Variants in SNX30 observed in about 807,000 individuals in gnomAD.
SNX30 encodes the protein sorting nexin-30.
A neutral mutation model predicts 46.4 loss-of-function variants in SNX30; 24 were observed. The observed-to-expected ratio is 0.52, with a 90% CI of 0.37 to 0.73. The LOEUF (loss-of-function observed/expected upper bound fraction) is 0.73, where lower values mean the gene tolerates loss of function less well. SNX30 is among the 30% of genes least tolerant of loss of function. The pLI is 0.00. For synonymous variants in SNX30, 189 were observed against 211.5 expected, an observed-to-expected ratio of 0.89 and a Z score of 0.92; for missense variants, 533 against 555.7, an observed-to-expected ratio of 0.96 and a Z score of 0.41.
At chr9:112,808,729 G>A (rs1840271223) in intron 2 of SNX30, among the ~76,000 whole-genome samples, 1 of 152,102 alleles carries the variant, frequency 6.6e-6, no homozygotes, top group Non-Finnish European at 1.5e-5. Flanking sequence ...ACAAAAACGA[G>A]TATTTTGTAT....
At chr9:112,835,056 T>G (rs1840731603) in intron 4 of SNX30, among the ~76,000 whole-genome samples, 2 of 152,202 alleles carry the variant, frequency 1.3e-5, no homozygotes, top group South Asian at 4.1e-4. Flanking sequence ...ACATTCCACA[T>G]TCTCTGCTCT....
intron 2 of SNX30, among the ~76,000 whole-genome samples, chr9:112,816,859 G>A (rs947128937): frequency 6.6e-6 from 1 of 152,168 alleles, no homozygotes; most frequent in South Asian, 2.1e-4. Flanking sequence ...GTGAGACACG[G>A]TGTAATTTGT....
At chr9:112,854,232 C>T (rs1220513293) in intron 7 of SNX30, among the ~76,000 whole-genome samples, 3 of 152,240 alleles carry the variant, frequency 2.0e-5, no homozygotes, top group African/African-American at 7.2e-5. Flanking sequence ...TTGGAGCAGT[C>T]TCGAGCAGAG....
At chr9:112,768,022 C>T (rs916354261) in intron 1 of SNX30, among the ~76,000 whole-genome samples, 1 of 152,206 alleles carries the variant, frequency 6.6e-6, no homozygotes, top group Non-Finnish European at 1.5e-5. Context: ...CCAGTCTGTT[C>T]TGAGTACTGT....
chr9:112,854,295 T>C (rs1841083924), intron 7 of SNX30, among the ~76,000 whole-genome samples: 1 of 152,256 alleles, frequency 6.6e-6, no homozygotes, highest in Non-Finnish European at 1.5e-5. Context: ...CCAGGGCTCC[T>C]GGCCTCACAT....
In SNX30 at chr9:112,804,946, C is replaced by T; in HGVS notation, c.327C>T (p.Ile109=). The T allele has an allele frequency of 6.2e-7, 1 of 1,609,744 alleles. No individual in the cohort carries two copies. The highest frequency in any genetic ancestry group is 8.5e-7 in the Non-Finnish European group (1 of 1,177,222). Residue 109 remains isoleucine (I), a synonymous_variant, in exon 2 of 9, where the codon ATC becomes ATT. Coordinates refer to ENST00000374232, the MANE Select transcript of SNX30 (RefSeq NM_001012994.2). ...KKHVCTMETY[I]TYRITTKSTR... ...ATGTGTGTACAATGGAGACTTACAT[C>T]ACCTATAGGATCACCACCAAAGTAG...
chr9:112,767,694 A>G (rs1839568733), intron 1 of SNX30, among the ~76,000 whole-genome samples: 1 of 151,996 alleles, frequency 6.6e-6, no homozygotes, highest in African/African-American at 2.4e-5. Context: ...GGCTCAAGTG[A>G]TCCTCCCATC....
chr9:112,771,168 C>T (rs538857303), intron 1 of SNX30, among the ~76,000 whole-genome samples: 3 of 152,304 alleles, frequency 2.0e-5, no homozygotes, highest in Admixed American at 6.5e-5. Context: ...AGGCAAGGGG[C>T]CTGATCTGGT....
chr9:112,863,866 G>A (rs1436565877), intron 7 of SNX30, among the ~76,000 whole-genome samples: 1 of 152,136 alleles, frequency 6.6e-6, no homozygotes, highest in East Asian at 1.9e-4. Context: ...GAATAGCAGG[G>A]CAATACAAAT....
chr9:112,807,575 C>T (rs578170393), intron 2 of SNX30, among the ~76,000 whole-genome samples: 22 of 152,162 alleles, frequency 1.4e-4, no homozygotes, highest in Admixed American at 3.9e-4. Flanking sequence ...TCTAGGGTGA[C>T]CTTATTTTTT....
intron 5 of SNX30, among the ~76,000 whole-genome samples, chr9:112,838,099 G>A (rs985565579): frequency 6.8e-6 from 1 of 147,218 alleles, no homozygotes; most frequent in Non-Finnish European, 1.5e-5. Flanking sequence ...CACTGTGTTA[G>A]CAGGATGGTC....
chr9:112,775,686 A>G (rs1268255244), intron 1 of SNX30, among the ~76,000 whole-genome samples: 1 of 151,538 alleles, frequency 6.6e-6, no homozygotes, highest in African/African-American at 2.4e-5. Flanking sequence ...CCCTGTCAGC[A>G]GGTTTCCCTC....
intron 1 of SNX30, among the ~76,000 whole-genome samples, chr9:112,764,589 C>G (rs113155830): frequency 2.0e-5 from 3 of 151,998 alleles, no homozygotes; most frequent in African/African-American, 7.2e-5. Flanking sequence ...GGAACAGGGC[C>G]GTGTTTGGGG....
intron 1 of SNX30, among the ~76,000 whole-genome samples, chr9:112,773,828 A>G (rs1427743457): frequency 6.6e-6 from 1 of 152,196 alleles, no homozygotes; most frequent in African/African-American, 2.4e-5. Flanking sequence ...AATATTCACA[A>G]TTATGTTATA....
chr9:112,752,149 C>T (rs1195218660), intron 1 of SNX30, among the ~76,000 whole-genome samples: 1 of 152,170 alleles, frequency 6.6e-6, no homozygotes, highest in African/African-American at 2.4e-5. Flanking sequence ...TTAGAGGGGA[C>T]ACCATGTGGT....
At chr9:112,787,643 A>C (rs909198409) in intron 1 of SNX30, among the ~76,000 whole-genome samples, 2 of 151,766 alleles carry the variant, frequency 1.3e-5, no homozygotes, top group East Asian at 1.9e-4. Flanking sequence ...AGAAGCTTAG[A>C]TGTAACATCT....
intron 1 of SNX30, 83 bp downstream of exon 1, chr9:112,751,240 G>C: frequency 7.8e-7 from 1 of 1,287,066 alleles, no homozygotes; most frequent in South Asian, 2.2e-5. Flanking sequence ...TCGTGGGCCT[G>C]GGGCCGCGCC....
intron 2 of SNX30, among the ~76,000 whole-genome samples, chr9:112,816,278 G>T (rs1009935820): frequency 2.6e-5 from 4 of 152,204 alleles, no homozygotes; most frequent in Non-Finnish European, 5.9e-5. Flanking sequence ...GTGGGGATGG[G>T]AGTATCAGGC....
At chr9:112,804,720 C>G in intron 1 of SNX30, 56 bp from the exon 2 acceptor site, 1 of 1,393,844 alleles carries the variant, frequency 7.2e-7, no homozygotes, top group Non-Finnish European at 9.4e-7. Context: ...GCTGCTTTTG[C>G]TGATACTCTC....
Sources: gnomAD v4.1 joint callset for allele counts (sites outside exome capture counted in the v4.1 genomes callset) on GRCh38, gnomAD v4.1.1 for gene constraint, MANE v1.5 for transcripts, NCBI Gene and HGNC (gene_info 2026-07-23, HGNC 2026-07-21) for gene names.